PKHD1L1: variants seen among roughly 807,000 people sequenced by gnomAD.
PKHD1L1 encodes the protein fibrocystin-L.
A neutral mutation model predicts 462.9 loss-of-function variants in PKHD1L1; 434 were observed. The ratio of observed to expected loss-of-function variants is 0.94; its 90% CI spans 0.87 to 1.02. PKHD1L1 has a LOEUF of 1.02. Ranked by LOEUF, PKHD1L1 falls within the 50% of genes least tolerant of loss-of-function variation. The pLI, the probability that PKHD1L1 is intolerant of heterozygous loss-of-function variation, is 0.00. For missense variants in PKHD1L1, 5,202 were observed against 5,096.1 expected, an observed-to-expected ratio of 1.02 and a Z score of -0.63; for synonymous variants, 1,781 against 1,750.0, an observed-to-expected ratio of 1.02 and a Z score of -0.44.
chr8:109,478,522 G>T (rs1045554838), intron 53 of PKHD1L1, among the ~76,000 whole-genome samples: 7 of 152,072 alleles, frequency 4.6e-5, no homozygotes, highest in Non-Finnish European at 7.4e-5. Context: ...ACACCCTCAG[G>T]GAGGGGTTAT....
Position 109,490,000 on chromosome 8 carries a change from G to C in PKHD1L1, c.9929G>C (p.Gly3310Ala), listed in dbSNP as rs1441007173. 5.0e-6 allele frequency: 8 copies of C among 1,609,484 alleles called. No homozygotes were observed. Among genetic ancestry groups the C allele is most frequent in the East Asian group, 2.2e-5 (1 of 44,728 alleles). ...GAATTTTATCACAGTGGTCAAGAAG[G>C]CTTCAGGGATAGCACAGATCCAAGA... ...NVEFYHSGQE[G>A]FRDSTDPRYA... is the part of the protein sequence containing the mutation. The change falls in exon 60 of 78, where the codon GGC becomes GCC. Residue 3310 changes from glycine to alanine, a missense_variant. This residue lies in a region of PKHD1L1 where 4,497 missense variants were observed against 4,336.8 expected (regional missense o/e 1.04). Transcript: ENST00000378402.
At chr8:109,388,192 C>G (rs1812530162) in intron 6 of PKHD1L1, among the ~76,000 whole-genome samples, 1 of 152,102 alleles carries the variant, frequency 6.6e-6, no homozygotes, top group Non-Finnish European at 1.5e-5. Context: ...TAGTATTTAA[C>G]ACCTCTAACA....
In PKHD1L1 at chr8:109,438,525, A is replaced by T. The variant is rs904632254; in HGVS notation, c.3760+69A>T. 6.5e-6 allele frequency: 9 copies of T among 1,383,450 alleles called. No homozygotes were observed. The African/African-American group carries it at 1.3e-4, about 21-fold the overall frequency. 85.7% of individuals were successfully genotyped at this position (1,383,450 alleles called of 1,614,324 possible). On this transcript the variant is annotated intron_variant, in intron 31 of 77. Transcript: ENST00000378402. The stretch of plus-strand genomic sequence containing the variant: ...AAAAACATTTCTAGAAAGGCTTTTG[A>T]AGCATAGTTTCTTCTGTAGTTTTGT...
At chr8:109,477,764 A>T (rs1322954497) in intron 53 of PKHD1L1, among the ~76,000 whole-genome samples, 2 of 152,168 alleles carry the variant, frequency 1.3e-5, no homozygotes, top group African/African-American at 2.4e-5. Context: ...CCAGAAACTA[A>T]GTCTCCTCGT....
intron 59 of PKHD1L1, among the ~76,000 whole-genome samples, chr8:109,489,159 T>C (rs1480371458): frequency 6.6e-6 from 1 of 152,012 alleles, no homozygotes; most frequent in Non-Finnish European, 1.5e-5. Context: ...TAAGGTAGGC[T>C]TTCCTTTCTA....
intron 17 of PKHD1L1, 108 bp downstream of exon 17, chr8:109,406,586 G>T: frequency 4.0e-6 from 5 of 1,249,006 alleles, no homozygotes; most frequent in Non-Finnish European, 5.3e-6. Flanking sequence ...AATCTTAGGA[G>T]AAGCAGAAAT....
chr8:109,436,362 GA>G lies in PKHD1L1; in HGVS notation c.3531del (p.Phe1178LeufsTer10). 6.2e-7 allele frequency: 1 copy of G among 1,612,908 alleles called. No homozygotes were observed. The highest frequency in any genetic ancestry group is 1.1e-5 in the South Asian group (1 of 91,002). Reference protein sequence around the residue: ...IAGGTLLTLSGFGFNENSKVL... With the variant: ...IAGGTLLTLSXFGFNENSKVL... ...GGTGGTACTCTACTGACTTTATCTG[GA>G]TTTGGCTTTAATGAAAATTCAAAGG... On this transcript the variant is annotated frameshift_variant, in exon 30 of 78. Coordinates refer to ENST00000378402, the MANE Select transcript of PKHD1L1 (RefSeq NM_177531.6). LOFTEE classifies it high-confidence loss of function.
intron 56 of PKHD1L1, among the ~76,000 whole-genome samples, chr8:109,482,450 A>T (rs1818318717): frequency 6.6e-6 from 1 of 151,716 alleles, no homozygotes; most frequent in African/African-American, 2.4e-5. Flanking sequence ...TTAGTTAAAA[A>T]TTTTTTGTGT....
At position 109,526,968 on chromosome 8, in the gene PKHD1L1, G is replaced by A; in HGVS notation, c.12669G>A (p.Met4223Ile). ...TVVISCLVGR[M>I]WLLEIFMAAV... is the part of the protein sequence containing the mutation. ...TAATTAGCTGTCTGGTTGGAAGAAT[G>A]TGGCTCTTGGAAATATTTATGGCTG... The change falls in exon 77 of 78, where the codon ATG (methionine) becomes ATA (isoleucine). Residue 4223 changes from methionine (M) to isoleucine (I), a missense_variant. Transcript: ENST00000378402. 1 of 1,613,772 alleles carries A rather than the reference G, an allele frequency of 6.2e-7. No individual in the cohort carries two copies. Among genetic ancestry groups the A allele is most frequent in the Non-Finnish European group, 8.5e-7 (1 of 1,179,804 alleles).
At chr8:109,460,171 G>C (rs1175822978) in intron 47 of PKHD1L1, among the ~76,000 whole-genome samples, 1 of 152,040 alleles carries the variant, frequency 6.6e-6, no homozygotes, top group East Asian at 1.9e-4. Flanking sequence ...ATTATGTTTA[G>C]ATTAGACCTT....
At chr8:109,466,098 C>T (rs955621911) in intron 49 of PKHD1L1, among the ~76,000 whole-genome samples, 1 of 152,182 alleles carries the variant, frequency 6.6e-6, no homozygotes, top group African/African-American at 2.4e-5. Flanking sequence ...TTTTCAACCA[C>T]AGTTGTTAAC....
At chr8:109,364,074 A>G (rs73700867) in intron 1 of PKHD1L1, among the ~76,000 whole-genome samples, 1,837 of 152,296 alleles carry the variant, frequency 0.012, 36 homozygotes, top group African/African-American at 0.041. Context: ...CTCACAGAAA[A>G]TAATTTCTTC....
In PKHD1L1 at chr8:109,464,456, T is replaced by A. The variant is rs200796321; in HGVS notation, c.7624T>A (p.Leu2542Met). ...IEHGNILQYN[L>M]AVFVQQSTSL... ...ACATGGCAATATCCTCCAGTATAACTTGGCAGTATTTGTACAGCAAAGTAC... is the reference window on the plus strand; with the variant it reads ...ACATGGCAATATCCTCCAGTATAACATGGCAGTATTTGTACAGCAAAGTAC... The change falls in exon 49 of 78, where the codon TTG (leucine) becomes ATG (methionine). Residue 2542 changes from leucine (L) to methionine (M), a missense_variant. Transcript: ENST00000378402. 1.2e-4 allele frequency: 199 copies of A among 1,613,590 alleles called. No homozygotes were observed. Among genetic ancestry groups the A allele is most frequent in the Non-Finnish European group, 1.5e-4 (182 of 1,179,770 alleles).
At position 109,371,979 on chromosome 8, in the gene PKHD1L1, C is replaced by A. The variant is rs28780403; in HGVS notation, c.163+7343C>A. Among the ~76,000 whole-genome samples, 8 of 152,080 alleles carry A rather than the reference C, an allele frequency of 5.3e-5. No homozygotes were observed. The South Asian group carries it at 1.5e-3, about 28-fold the overall frequency. ...TTCTTTTGGCTTAGGATTGACTTGG[C>A]GATGCAGGCTCTTTTTTGGTTCCAT... On this transcript the variant is annotated intron_variant, in intron 2 of 77. Transcript: ENST00000378402.
intron 20 of PKHD1L1, among the ~76,000 whole-genome samples, chr8:109,412,742 G>A (rs1813925411): frequency 6.6e-6 from 1 of 151,846 alleles, no homozygotes; most frequent in African/African-American, 2.4e-5. Context: ...CATTAATTAA[G>A]AAGAAAGAAA....
At chr8:109,486,603 A>C (rs1253596455) in intron 58 of PKHD1L1, 45 bp from the exon 59 acceptor site, 3 of 1,573,130 alleles carry the variant, frequency 1.9e-6, no homozygotes, top group African/African-American at 1.4e-5. Flanking sequence ...GTAAAGACAG[A>C]TACTTCTCAG....
At chr8:109,409,482 T>C (rs1048683303) in intron 18 of PKHD1L1, among the ~76,000 whole-genome samples, 1 of 152,158 alleles carries the variant, frequency 6.6e-6, no homozygotes. Context: ...TGTATAGTTT[T>C]TTTTTTCCAG....
At chr8:109,424,542 A>G (rs1210129635) in intron 23 of PKHD1L1, among the ~76,000 whole-genome samples, 4 of 152,184 alleles carry the variant, frequency 2.6e-5, no homozygotes, top group African/African-American at 9.7e-5. Context: ...TTGGGGTTAC[A>G]ATCTATGAAT....
intron 16 of PKHD1L1, among the ~76,000 whole-genome samples, chr8:109,405,402 A>G (rs1272515266): frequency 6.6e-6 from 1 of 152,158 alleles, no homozygotes; most frequent in Non-Finnish European, 1.5e-5. Flanking sequence ...TTTGCTACTC[A>G]TAGGTGTAAG....
Sources: gnomAD v4.1 joint callset for allele counts (sites outside exome capture counted in the v4.1 genomes callset) on GRCh38, gnomAD v4.1.1 for gene constraint, gnomAD v4.1.1 regional missense constraint, MANE v1.5 for transcripts, NCBI Gene and HGNC (gene_info 2026-07-23, HGNC 2026-07-21) for gene names.